The following PAFAH1B1 variants were observed in gnomAD, a reference collection of about 807,000 sequenced individuals.
The protein encoded by PAFAH1B1 is platelet activating factor acetylhydrolase 1b regulatory subunit 1, also known as platelet-activating factor acetylhydrolase IB subunit beta.
PAFAH1B1 carries 2 observed loss-of-function variants against 57.5 expected under a neutral mutation model. That is an observed-to-expected ratio of 0.03 (90% confidence interval 0.01 to 0.11). The LOEUF (loss-of-function observed/expected upper bound fraction) is 0.11, where lower values mean the gene tolerates loss of function less well. PAFAH1B1 is among the 10% of genes least tolerant of loss of function. The pLI, the probability that PAFAH1B1 is intolerant of heterozygous loss-of-function variation, is 1.00. For missense variants in PAFAH1B1, 257 were observed against 512.0 expected (o/e 0.50, Z 4.81); for synonymous variants, 152 against 169.6 (o/e 0.90, Z 0.81).
At position 2,602,762 on chromosome 17, in the gene PAFAH1B1, C is replaced by T. The variant is rs574961362; in HGVS notation, c.-191+8756C>T. 2.6e-5 allele frequency among the ~76,000 whole-genome samples: 4 copies of T among 152,354 alleles called. No individual in the cohort carries two copies. In the East Asian group the frequency reaches 7.7e-4, roughly 29 times the overall value. ...TTATTTAACAAATATTTACATAGCA[C>T]TTACTAATACGCCAGGCTCTGTTTT... On this transcript the variant is annotated intron_variant, in intron 1 of 10. Coordinates refer to ENST00000397195, the MANE Select transcript of PAFAH1B1 (RefSeq NM_000430.4).
At chr17:2,638,875 T>C (rs964938531) in intron 2 of PAFAH1B1, among the ~76,000 whole-genome samples, 1 of 151,796 alleles carries the variant, frequency 6.6e-6, no homozygotes, top group African/African-American at 2.4e-5. Flanking sequence ...GACAAGTCAG[T>C]TGGGATGAGT....
chr17:2,638,035 A>C (rs1461258422), intron 1 of PAFAH1B1, 64 bp from the exon 2 acceptor site: 6 of 487,404 alleles, frequency 1.2e-5, no homozygotes, highest in African/African-American at 1.2e-4. Flanking sequence ...TGAGTACTGT[A>C]ACTAATAATT....
intron 1 of PAFAH1B1, among the ~76,000 whole-genome samples, chr17:2,602,379 GGATCCA>G (rs946590173): frequency 1.3e-5 from 2 of 152,086 alleles, no homozygotes; most frequent in Non-Finnish European, 2.9e-5. Context: ...AAGACATCTA[GGATCCA>G]AAGTTCTTAG....
chr17:2,599,933 T>C (rs2068120997), intron 1 of PAFAH1B1, among the ~76,000 whole-genome samples: 1 of 151,902 alleles, frequency 6.6e-6, no homozygotes, highest in Non-Finnish European at 1.5e-5. Flanking sequence ...GTTATATGTT[T>C]ATTAAAATTT....
chr17:2,651,584 CAA>C (rs572952878), intron 2 of PAFAH1B1, among the ~76,000 whole-genome samples: 15 of 107,198 alleles, frequency 1.4e-4, no homozygotes, highest in Admixed American at 2.0e-4. Flanking sequence ...GACTCCATCT[CAA>C]AAAAAAAAAA....
intron 1 of PAFAH1B1, among the ~76,000 whole-genome samples, chr17:2,610,709 C>T (rs1349976840): frequency 1.3e-5 from 2 of 152,184 alleles, no homozygotes; most frequent in South Asian, 2.1e-4. Flanking sequence ...TGTCCTGGGC[C>T]GTGGGTAGCA....
intron 2 of PAFAH1B1, chr17:2,640,585 G>A (rs1311492088): frequency 6.6e-6 from 1 of 151,090 alleles, no homozygotes; most frequent in East Asian, 1.9e-4. Flanking sequence ...TCGAGTAGCT[G>A]GAATTACAGG....
chr17:2,642,056 C>T (rs912700600), intron 2 of PAFAH1B1: 9 of 152,148 alleles, frequency 5.9e-5, no homozygotes, highest in Admixed American at 3.3e-4. Context: ...TGATAAGTAC[C>T]TACATGTCCA....
At chr17:2,610,303 A>G (rs987272629) in intron 1 of PAFAH1B1, among the ~76,000 whole-genome samples, 1 of 152,204 alleles carries the variant, frequency 6.6e-6, no homozygotes, top group Non-Finnish European at 1.5e-5. Flanking sequence ...GTAAGGAGAA[A>G]GAAGAAACAA....
At chr17:2,612,295 G>A (rs1236072479) in intron 1 of PAFAH1B1, among the ~76,000 whole-genome samples, 2 of 150,032 alleles carry the variant, frequency 1.3e-5, no homozygotes, top group East Asian at 2.0e-4. Flanking sequence ...CCTCCGCCTC[G>A]TGGGTTCGAG....
chr17:2,681,638 TA>T, intron 10 of PAFAH1B1, 90 bp from the exon 11 acceptor site: 1 of 1,007,454 alleles, frequency 9.9e-7, no homozygotes, highest in Admixed American at 2.1e-5. Context: ...ATTTTTTTTT[TA>T]ATTTTGTATT....
At chr17:2,638,662 C>G (rs2151634817) in intron 2 of PAFAH1B1, 1 of 247,858 alleles carries the variant, frequency 4.0e-6, no homozygotes, top group South Asian at 4.9e-5. Flanking sequence ...CACCCGCTAC[C>G]ATGCCTAGCT....
intron 2 of PAFAH1B1, among the ~76,000 whole-genome samples, chr17:2,664,676 CTCTCTCTCTCTCTCTCTT>C (rs1300427081): frequency 7.7e-5 from 9 of 116,948 alleles, no homozygotes; most frequent in Non-Finnish European, 1.2e-4. Flanking sequence ...CTCTCTCTCT[CTCTCTCTCTCTCTCTCTT>C]TCTCTCTCCA....
At chr17:2,638,477 T>A in intron 2 of PAFAH1B1, 157 bp downstream of exon 2, 2 of 656,926 alleles carry the variant, frequency 3.0e-6, no homozygotes, top group African/African-American at 3.7e-5. Context: ...TTTAAAACAG[T>A]CTTATTATGA....
chr17:2,674,994 G>A (rs146702054), intron 8 of PAFAH1B1, among the ~76,000 whole-genome samples: 2 of 152,252 alleles, frequency 1.3e-5, no homozygotes, highest in South Asian at 2.1e-4. Context: ...GAATGAAAAT[G>A]AATGGTCTAA....
chr17:2,678,260 G>A (rs921638876), intron 9 of PAFAH1B1, among the ~76,000 whole-genome samples: 1 of 152,022 alleles, frequency 6.6e-6, no homozygotes, highest in African/African-American at 2.4e-5. Context: ...AATTAGCCAG[G>A]CATGGTGGCA....
rs1277463643 is a variant in PAFAH1B1, at chr17:2,650,974, T to A, written c.32+12654T>A. ...CTTTTCCTTGATACTACCTTTAGAT[T>A]CATATTTGGGAAGACCTTCGCTAAT... On this transcript the variant is annotated intron_variant, in intron 2 of 10. Transcript: ENST00000397195. 3.9e-5 allele frequency among the ~76,000 whole-genome samples: 6 copies of A among 152,304 alleles called. No individual in the cohort carries two copies. In the South Asian group the frequency reaches 1.2e-3, roughly 32 times the overall value.
At chr17:2,652,702 A>G (rs150041043) in intron 2 of PAFAH1B1, among the ~76,000 whole-genome samples, 1 of 152,302 alleles carries the variant, frequency 6.6e-6, no homozygotes, top group East Asian at 1.9e-4. Flanking sequence ...ATGTTCATGT[A>G]GTGGCGTTAG....
chr17:2,657,007 C>T (rs749515271), intron 2 of PAFAH1B1, among the ~76,000 whole-genome samples: 6 of 152,148 alleles, frequency 3.9e-5, no homozygotes, highest in Non-Finnish European at 7.4e-5. Flanking sequence ...CTGCAAGCTG[C>T]GCCTCTCAGG....
Sources: allele counts gnomAD v4.1 joint callset (sites outside exome capture counted in the v4.1 genomes callset), GRCh38; gene constraint gnomAD v4.1.1; transcripts MANE v1.5; gene names NCBI Gene and HGNC (gene_info 2026-07-23, HGNC 2026-07-21).